The following SCN10A variants were observed in gnomAD, a reference collection of about 807,000 sequenced individuals.
SCN10A encodes sodium voltage-gated channel alpha subunit 10.
A neutral mutation model predicts 170.7 loss-of-function variants in SCN10A; 162 were observed. That is an observed-to-expected ratio of 0.95 (90% CI 0.84 to 1.08). The LOEUF is 1.08. Ranked by LOEUF, SCN10A falls within the 50% of genes least tolerant of loss-of-function variation. SCN10A has a pLI of 0.00. For synonymous variants in SCN10A, 985 were observed against 904.6 expected, an observed-to-expected ratio of 1.09 and a Z score of -1.59; for missense variants, 2,527 against 2,436.9, an observed-to-expected ratio of 1.04 and a Z score of -0.78.
At chr3:38,726,009 A>T (rs2063450454) in intron 17 of SCN10A, among the ~76,000 whole-genome samples, 2 of 152,160 alleles carry the variant, frequency 1.3e-5, no homozygotes, top group Admixed American at 1.3e-4. Context: ...CTGCCTTCCC[A>T]CGTTGGGCAG....
At chr3:38,763,079 G>T (rs1575160731) in intron 6 of SCN10A, among the ~76,000 whole-genome samples, 1 of 152,164 alleles carries the variant, frequency 6.6e-6, no homozygotes. Context: ...GGTGTCTAAA[G>T]ACAGGATTTT....
intron 15 of SCN10A, among the ~76,000 whole-genome samples, chr3:38,738,537 G>A (rs1490575142): frequency 6.6e-6 from 1 of 152,184 alleles, no homozygotes; most frequent in African/African-American, 2.4e-5. Context: ...ACCTCTGGAT[G>A]CCAACACTTG....
chr3:38,712,561 G>T, intron 22 of SCN10A, 116 bp from the exon 23 acceptor site: 2 of 1,032,158 alleles, frequency 1.9e-6, no homozygotes, highest in Non-Finnish European at 2.8e-6. Context: ...TTTGGAAGAA[G>T]CAAGAGAAGT....
chr3:38,702,180 G>C (rs2063163682), intron 26 of SCN10A, 71 bp from the exon 27 acceptor site: 5 of 1,469,194 alleles, frequency 3.4e-6, no homozygotes, highest in Non-Finnish European at 3.6e-6. Flanking sequence ...GTTATCTGTA[G>C]ATGAGTTTTG....
At chr3:38,772,688 C>A (rs2064019128) in intron 4 of SCN10A, among the ~76,000 whole-genome samples, 1 of 148,130 alleles carries the variant, frequency 6.8e-6, no homozygotes, top group African/African-American at 2.6e-5. Context: ...GACTTCGTCT[C>A]CAAAACAACA....
chr3:38,719,027 T>G lies in SCN10A; in HGVS notation c.3508-201A>C, dbSNP rs1312764799. On this transcript the variant is annotated intron_variant, in intron 20 of 27. Transcript: ENST00000449082. ...GGTACTGTGAGATCCAAAGCATGAC[T>G]TCTTCAGGGCCAATGGGGACAAACA... Among the ~76,000 whole-genome samples the G allele has an allele frequency of 7.9e-5, 12 of 152,348 alleles. No homozygotes were observed. The East Asian group carries it at 2.3e-3, about 29-fold the overall frequency.
intron 1 of SCN10A, among the ~76,000 whole-genome samples, chr3:38,811,517 T>C (rs2064441365): frequency 6.6e-6 from 1 of 151,642 alleles, no homozygotes. Context: ...GTAAAAACGA[T>C]ATATAGTGCT....
At chr3:38,795,976 A>G (rs1279354515) in intron 1 of SCN10A, among the ~76,000 whole-genome samples, 1 of 152,178 alleles carries the variant, frequency 6.6e-6, no homozygotes, top group Non-Finnish European at 1.5e-5. Flanking sequence ...GTTTGCCACA[A>G]TCTCTTGGAA....
Position 38,698,152 on chromosome 3 carries a change from C to T in SCN10A, c.5068G>A (p.Gly1690Arg), listed in dbSNP as rs759422250. 5 of 1,614,172 alleles carry T rather than the reference C, an allele frequency of 3.1e-6. No individual in the cohort carries two copies. Among genetic ancestry groups the T allele is most frequent in the Non-Finnish European group, 4.2e-6 (5 of 1,180,036 alleles). The part of the protein sequence containing the change: ...PNLPNSNGTR[G>R]DCGSPAVGII... ...CCTACGGCTGGGCTCCCACAGTCCC[C>T]TCTGGTGCCATTGCTGTTGGGCAGA... The change falls in exon 28 of 28, where the codon GGG becomes AGG. Residue 1690 changes from glycine (G) to arginine (R), a missense_variant. By Grantham distance (125) the Gly-to-Arg change is moderately radical (BLOSUM62 -2). Coordinates refer to ENST00000449082, the MANE Select transcript of SCN10A (RefSeq NM_006514.4).
intron 26 of SCN10A, among the ~76,000 whole-genome samples, chr3:38,703,207 T>C (rs759473985): frequency 6.6e-6 from 1 of 152,194 alleles, no homozygotes; most frequent in Non-Finnish European, 1.5e-5. Flanking sequence ...CTTGCCAAAC[T>C]CTTGGTCCCT....
At chr3:38,718,330 T>C (rs1443274427) in intron 21 of SCN10A, among the ~76,000 whole-genome samples, 1 of 152,184 alleles carries the variant, frequency 6.6e-6, no homozygotes, top group African/African-American at 2.4e-5. Flanking sequence ...AGAAGACCCA[T>C]CTATGGATGC....
Position 38,701,897 on chromosome 3 carries a change from G to C in SCN10A, c.4599C>G (p.Tyr1533Ter). 6.2e-7 allele frequency: 1 copy of C among 1,614,112 alleles called. No individual in the cohort carries two copies. The highest frequency in any genetic ancestry group is 8.5e-7 in the Non-Finnish European group (1 of 1,179,970). Residue 1533 changes from tyrosine (Y) to a stop codon, truncating the protein, a stop_gained, in exon 27 of 28, where the codon TAC (tyrosine) becomes TAG (stop). Transcript: ENST00000449082. LOFTEE classifies it high-confidence loss of function. Reference sequence around the variant, plus strand: ...ACACATTCCAGCCATTTGTGAAGTAGTACTGCCTCAAAGCGAACATCTTCA... The same window carrying C: ...ACACATTCCAGCCATTTGTGAAGTACTACTGCCTCAAAGCGAACATCTTCA... ...CVMKMFALRQ[Y>*]YFTNGWNVFD... is the part of the protein sequence containing the mutation.
At chr3:38,798,624 T>G (rs2064354064) in intron 1 of SCN10A, among the ~76,000 whole-genome samples, 1 of 152,100 alleles carries the variant, frequency 6.6e-6, no homozygotes, top group Non-Finnish European at 1.5e-5. Context: ...CTATTCTAGT[T>G]TAGCTCCAAG....
chr3:38,756,899 C>A lies in SCN10A; in HGVS notation c.1093-28G>T, dbSNP rs764963646. 6.2e-6 allele frequency: 10 copies of A among 1,612,634 alleles called. No individual in the cohort carries two copies. The East Asian group carries it at 2.2e-4, about 36-fold the overall frequency. On this transcript the variant is annotated intron_variant, in intron 9 of 27. Transcript: ENST00000449082. ...GCAGGTTCAAGGGAAAGAAGAGAAA[C>A]CTGTACCCATAGCACATGGACCCCT...
chr3:38,771,540 A>ATATTCTT, intron 4 of SCN10A, 133 bp from the exon 5 acceptor site: 8 of 856,902 alleles, frequency 9.3e-6, no homozygotes, highest in Non-Finnish European at 1.5e-5. Flanking sequence ...CACCAAGGTG[A>ATATTCTT]TGAGGGGGAA....
At chr3:38,782,124 C>G (rs1204525705) in intron 4 of SCN10A, among the ~76,000 whole-genome samples, 3 of 152,004 alleles carry the variant, frequency 2.0e-5, no homozygotes, top group Non-Finnish European at 4.4e-5. Flanking sequence ...TTTGTACTGT[C>G]AAGTGTAATT....
At chr3:38,746,192 A>C (rs1164698930) in intron 13 of SCN10A, among the ~76,000 whole-genome samples, 1 of 149,426 alleles carries the variant, frequency 6.7e-6, no homozygotes, top group Non-Finnish European at 1.5e-5. Context: ...GGCACCTGAA[A>C]CCCAATATAT....
At chr3:38,727,999 T>G (rs1035075921) in intron 16 of SCN10A, among the ~76,000 whole-genome samples, 4 of 152,304 alleles carry the variant, frequency 2.6e-5, no homozygotes, top group Middle Eastern at 3.4e-3. Context: ...CCTCTCCCCC[T>G]GCTCCCAGCT....
At chr3:38,700,604 C>A (rs533495341) in intron 27 of SCN10A, among the ~76,000 whole-genome samples, 1 of 152,114 alleles carries the variant, frequency 6.6e-6, no homozygotes, top group South Asian at 2.1e-4. Flanking sequence ...GTGGATCATA[C>A]CTCAATAAAG....
Sources: gnomAD v4.1 joint callset for allele counts (sites outside exome capture counted in the v4.1 genomes callset) on GRCh38, gnomAD v4.1.1 for gene constraint, MANE v1.5 for transcripts, NCBI Gene and HGNC (gene_info 2026-07-23, HGNC 2026-07-21) for gene names.